The following CFAP161 variants were observed in gnomAD, a reference collection of about 807,000 sequenced individuals.
The protein encoded by CFAP161 is cilia- and flagella-associated protein 161.
CFAP161 carries 25 observed loss-of-function variants against 29.0 expected under a neutral mutation model. The observed-to-expected ratio is 0.86, with a 90% CI of 0.63 to 1.20. CFAP161 has a LOEUF of 1.20. Among genes scored for constraint, CFAP161 ranks in the 50% most tolerant of loss-of-function variants. The pLI, the probability that CFAP161 is intolerant of heterozygous loss-of-function variation, is 0.00. For synonymous variants in CFAP161, 116 were observed against 137.4 expected (o/e 0.84, Z 1.09); for missense variants, 367 against 371.9 (o/e 0.99, Z 0.11).
intron 1 of CFAP161, among the ~76,000 whole-genome samples, chr15:81,121,554 T>C (rs1417292785): frequency 6.6e-6 from 1 of 151,664 alleles, no homozygotes; most frequent in African/African-American, 2.4e-5. Flanking sequence ...TACAAAGTTA[T>C]ATATATATAT....
chr15:81,136,808 A>C, intron 3 of CFAP161, 60 bp downstream of exon 3: 1 of 1,446,462 alleles, frequency 6.9e-7, no homozygotes, highest in Non-Finnish European at 9.6e-7. Context: ...TTGTAGCTTA[A>C]AGATTCCTGG....
At chr15:81,100,704 CT>C (rs1555448386) in intron 1 of CFAP161, among the ~76,000 whole-genome samples, 34 of 148,716 alleles carry the variant, frequency 2.3e-4, no homozygotes, top group East Asian at 5.9e-4. Flanking sequence ...CTCTCTCTCT[CT>C]TTTTTTTTTT....
At chr15:81,140,853 C>T (rs1894895853) in intron 4 of CFAP161, among the ~76,000 whole-genome samples, 1 of 152,158 alleles carries the variant, frequency 6.6e-6, no homozygotes, top group Admixed American at 6.5e-5. Flanking sequence ...TCCCAAAGTG[C>T]TGGGATTACA....
At chr15:81,109,541 A>C (rs754678909) in intron 1 of CFAP161, among the ~76,000 whole-genome samples, 15 of 152,150 alleles carry the variant, frequency 9.9e-5, no homozygotes, top group Non-Finnish European at 2.2e-4. Context: ...CTGTCTCTAC[A>C]AAAAATTTAA....
intron 3 of CFAP161, among the ~76,000 whole-genome samples, chr15:81,137,535 G>A (rs1405681208): frequency 2.6e-5 from 4 of 152,178 alleles, no homozygotes; most frequent in Admixed American, 6.5e-5. Context: ...GGTGGAGGTT[G>A]CAGTGAGCCA....
chr15:81,147,224 A>G (rs926365940), intron 5 of CFAP161, among the ~76,000 whole-genome samples: 3 of 151,890 alleles, frequency 2.0e-5, no homozygotes, highest in Admixed American at 1.3e-4. Flanking sequence ...AAAGAACGCA[A>G]CTGCTTGCCT....
chr15:81,136,234 C>G lies in CFAP161; in HGVS notation c.160-282C>G, dbSNP rs1475428606. Among the ~76,000 whole-genome samples, 5 of 151,994 alleles carry G rather than the reference C, an allele frequency of 3.3e-5. No homozygotes were observed. In the East Asian group the frequency reaches 7.7e-4, roughly 23 times the overall value. On this transcript the variant is annotated intron_variant, in intron 2 of 6. Coordinates refer to ENST00000286732, the MANE Select transcript of CFAP161 (RefSeq NM_173528.4). ...GTTAATATGTAAATAAGTAAAATGC[C>G]CCTTAGTTGGTAATCGACAAATTTT...
At chr15:81,111,144 C>T (rs921667525) in intron 1 of CFAP161, among the ~76,000 whole-genome samples, 1 of 152,116 alleles carries the variant, frequency 6.6e-6, no homozygotes, top group Non-Finnish European at 1.5e-5. Context: ...CAGAGAAATC[C>T]TCCCTGTACT....
intron 1 of CFAP161, among the ~76,000 whole-genome samples, chr15:81,122,038 A>T (rs950934701): frequency 6.6e-5 from 10 of 152,214 alleles, no homozygotes; most frequent in Non-Finnish European, 1.5e-4. Flanking sequence ...CCTGCAGAGG[A>T]CATGATCTCA....
chr15:81,133,199 ATATATATATATATATATATATATATG>A (rs1416243012), upstream of CFAP161, among the ~76,000 whole-genome samples: 11 of 63,468 alleles, frequency 1.7e-4, no homozygotes, highest in South Asian at 4.4e-4. Context: ...ATATATATAT[ATATATATATATATATATATATATATG>A]TATTTTTTTT....
intron 1 of CFAP161, among the ~76,000 whole-genome samples, chr15:81,119,212 A>C (rs1282165268): frequency 6.6e-6 from 1 of 152,230 alleles, no homozygotes; most frequent in Non-Finnish European, 1.5e-5. Context: ...ATAATTATAG[A>C]TGACAAAAAC....
chr15:81,109,105 T>C (rs1894410509), intron 1 of CFAP161, among the ~76,000 whole-genome samples: 1 of 152,206 alleles, frequency 6.6e-6, no homozygotes, highest in South Asian at 2.1e-4. Context: ...TATCTGCTCA[T>C]GCTCTGGCTA....
chr15:81,105,155 C>T (rs1247596028), intron 1 of CFAP161, among the ~76,000 whole-genome samples: 1 of 26,202 alleles, frequency 3.8e-5, no homozygotes, highest in African/African-American at 1.2e-4. Flanking sequence ...CTCCCTCCCT[C>T]CCTCCCTTCC....
chr15:81,119,581 G>A (rs2663932), intron 1 of CFAP161, among the ~76,000 whole-genome samples: 1 of 151,856 alleles, frequency 6.6e-6, no homozygotes, highest in African/African-American at 2.4e-5. Context: ...TTTGGCAATG[G>A]CTCCCATACA....
intron 3 of CFAP161, among the ~76,000 whole-genome samples, chr15:81,137,389 G>T (rs1460933752): frequency 6.6e-6 from 1 of 152,140 alleles, no homozygotes; most frequent in Non-Finnish European, 1.5e-5. Context: ...GAGGTCTGGA[G>T]TTCGAGACCA....
In CFAP161 at chr15:81,140,043, T is replaced by C. The variant is rs903801978; in HGVS notation, c.477+1908T>C. Among the ~76,000 whole-genome samples, 75 of 152,152 alleles carry C rather than the reference T, an allele frequency of 4.9e-4. 1 individual carries two copies. The highest frequency in any genetic ancestry group is 4.7e-3 in the Admixed American group (72 of 15,280). On this transcript the variant is annotated intron_variant, in intron 4 of 6. Transcript: ENST00000286732. ...TTTCCCTTATCTCTTCCTTTCTCTCTCGCTTCTTTTTTCTTTCTCCCTCCC... is the reference window on the plus strand; with the variant it reads ...TTTCCCTTATCTCTTCCTTTCTCTCCCGCTTCTTTTTTCTTTCTCCCTCCC...
chr15:81,148,338 C>T lies in CFAP161; in HGVS notation c.711C>T (p.Ser237=). The change falls in exon 7 of 7, where the codon AGC becomes AGT. Residue 237 remains serine (S), a splice_region_variant and synonymous_variant. Coordinates refer to ENST00000286732, the MANE Select transcript of CFAP161 (RefSeq NM_173528.4). ...CACAACTGATTCTCTCTTGCTCCAG[C>T]ACCTATTTTGGAAAGGAGGCTGAGG... ...GLAAHRHLFL[S]TYFGKEAEVV... The T allele has an allele frequency of 6.2e-7, 1 of 1,608,242 alleles. No individual in the cohort carries two copies. Among genetic ancestry groups the T allele is most frequent in the African/African-American group, 1.3e-5 (1 of 74,980 alleles).
intron 1 of CFAP161, among the ~76,000 whole-genome samples, chr15:81,102,604 G>A (rs1509551): frequency 0.086 from 13,089 of 152,246 alleles, 673 homozygotes; most frequent in East Asian, 0.15. Context: ...GGAGGTGAAG[G>A]CTGCAGTGAG....
intron 3 of CFAP161, among the ~76,000 whole-genome samples, chr15:81,137,096 A>AT (rs370003742): frequency 0.036 from 5,323 of 149,280 alleles, 305 homozygotes; most frequent in African/African-American, 0.12. Context: ...TAATACGGCT[A>AT]TTTTTTTTTT....
Sources: gnomAD v4.1 joint callset for allele counts (sites outside exome capture counted in the v4.1 genomes callset) on GRCh38, gnomAD v4.1.1 for gene constraint, MANE v1.5 for transcripts, NCBI Gene and HGNC (gene_info 2026-07-23, HGNC 2026-07-21) for gene names.